Variants in COL24A1 observed in about 807,000 individuals in gnomAD.
COL24A1 encodes the protein collagen alpha-1(XXIV) chain.
COL24A1 carries 224 observed loss-of-function variants against 253.9 expected under a neutral mutation model. The ratio of observed to expected loss-of-function variants is 0.88; its 90% confidence interval spans 0.79 to 0.99. The LOEUF (loss-of-function observed/expected upper bound fraction) is 0.99, where lower values mean the gene tolerates loss of function less well. Ranked by LOEUF, COL24A1 falls within the 50% of genes least tolerant of loss-of-function variation. The probability of loss-of-function intolerance (pLI) is 0.00; values close to 1 mark genes in which losing one functional copy is unlikely to be tolerated. For missense variants in COL24A1, 2,131 were observed against 2,068.5 expected (o/e 1.03, Z -0.59); for synonymous variants, 685 against 673.7 (o/e 1.02, Z -0.26).
chr1:86,017,225 C>T (rs368294728), intron 18 of COL24A1, 21 bp from the exon 19 acceptor site: 4 of 1,547,196 alleles, frequency 2.6e-6, no homozygotes, highest in African/African-American at 1.4e-5. Context: ...GGGGGAGGAT[C>T]AAAGTATAAA....
chr1:85,946,308 G>A (rs560013985), intron 24 of COL24A1, among the ~76,000 whole-genome samples: 6 of 152,152 alleles, frequency 3.9e-5, no homozygotes, highest in South Asian at 4.2e-4. Flanking sequence ...CCGGGTTTCC[G>A]CGGGACTTCA....
At chr1:86,103,748 TCTG>T (rs1393561002) in intron 5 of COL24A1, among the ~76,000 whole-genome samples, 1 of 152,228 alleles carries the variant, frequency 6.6e-6, no homozygotes, top group East Asian at 1.9e-4. Flanking sequence ...TGCTGAAAGG[TCTG>T]CTGTTAGTCT....
intron 3 of COL24A1, among the ~76,000 whole-genome samples, chr1:86,123,730 T>C (rs1647779595): frequency 6.6e-6 from 1 of 151,980 alleles, no homozygotes. Context: ...GATAATTAAT[T>C]GTCATAGTTG....
intron 28 of COL24A1, among the ~76,000 whole-genome samples, chr1:85,906,744 AATG>A (rs1046849987): frequency 2.0e-5 from 3 of 151,936 alleles, no homozygotes; most frequent in Non-Finnish European, 4.4e-5. Context: ...ATTATTAGAC[AATG>A]ATGATTATAA....
intron 5 of COL24A1, among the ~76,000 whole-genome samples, chr1:86,109,643 T>C (rs970203416): frequency 1.3e-5 from 2 of 152,244 alleles, no homozygotes; most frequent in Non-Finnish European, 1.5e-5. Context: ...TACTTCTGAA[T>C]GCGATCACTG....
At chr1:85,943,160 G>T (rs967234238) in intron 24 of COL24A1, among the ~76,000 whole-genome samples, 1 of 152,176 alleles carries the variant, frequency 6.6e-6, no homozygotes, top group African/African-American at 2.4e-5. Context: ...GAATTCCAGG[G>T]CATGCCAGCT....
intron 6 of COL24A1, among the ~76,000 whole-genome samples, chr1:86,091,413 A>C (rs1703481291): frequency 6.6e-6 from 1 of 152,034 alleles, no homozygotes; most frequent in African/African-American, 2.4e-5. Context: ...AAACTTTATG[A>C]TAGTTTCTGT....
At chr1:86,123,424 A>G (rs574038621) in intron 3 of COL24A1, among the ~76,000 whole-genome samples, 6 of 152,062 alleles carry the variant, frequency 3.9e-5, no homozygotes, top group Non-Finnish European at 8.8e-5. Context: ...ACTACAAGAT[A>G]TATTAAATAG....
chr1:86,062,112 A>T (rs1701134372), intron 8 of COL24A1, among the ~76,000 whole-genome samples: 1 of 152,102 alleles, frequency 6.6e-6, no homozygotes, highest in East Asian at 1.9e-4. Context: ...GTTAATTAAC[A>T]TATGTAAAAC....
intron 26 of COL24A1, among the ~76,000 whole-genome samples, chr1:85,909,365 T>C (rs1301424610): frequency 6.6e-6 from 1 of 151,882 alleles, no homozygotes; most frequent in East Asian, 1.9e-4. Flanking sequence ...AATATCCTTT[T>C]ATTGATAATA....
chr1:85,924,840 A>G (rs1686996013), intron 24 of COL24A1, among the ~76,000 whole-genome samples: 2 of 152,180 alleles, frequency 1.3e-5, no homozygotes, highest in African/African-American at 2.4e-5. Context: ...GGCAAGAGAA[A>G]GAAATAAAGG....
intron 10 of COL24A1, among the ~76,000 whole-genome samples, chr1:86,053,140 T>G (rs1397238894): frequency 6.6e-6 from 1 of 152,118 alleles, no homozygotes; most frequent in Non-Finnish European, 1.5e-5. Flanking sequence ...TTTAGGATTA[T>G]GATGACAAGC....
At chr1:85,926,802 A>G (rs1687299534) in intron 24 of COL24A1, among the ~76,000 whole-genome samples, 1 of 151,990 alleles carries the variant, frequency 6.6e-6, no homozygotes, top group Non-Finnish European at 1.5e-5. Context: ...TGTACCCTAG[A>G]ACTTAAAGTA....
At chr1:85,914,639 C>T (rs750292585) in intron 24 of COL24A1, among the ~76,000 whole-genome samples, 2 of 152,116 alleles carry the variant, frequency 1.3e-5, no homozygotes, top group Non-Finnish European at 2.9e-5. Flanking sequence ...GATCTGCCCA[C>T]CTTGGCCTCC....
intron 24 of COL24A1, among the ~76,000 whole-genome samples, chr1:85,951,090 C>T (rs1256977370): frequency 3.3e-5 from 5 of 152,166 alleles, no homozygotes; most frequent in African/African-American, 4.8e-5. Context: ...ATTAAGCACA[C>T]TAATGTCCTC....
chr1:85,894,810 T>A (rs1284353935), intron 31 of COL24A1, among the ~76,000 whole-genome samples: 1 of 152,154 alleles, frequency 6.6e-6, no homozygotes, highest in African/African-American at 2.4e-5. Context: ...GTATTTTAGG[T>A]TGGATCACTG....
chr1:86,033,765 T>C, intron 13 of COL24A1, 105 bp downstream of exon 13: 1 of 1,056,182 alleles, frequency 9.5e-7, no homozygotes, highest in Non-Finnish European at 1.4e-6. Context: ...AGATTGTTTT[T>C]CCAATAGTGT....
chr1:86,086,821 G>A (rs1288756232), intron 7 of COL24A1, among the ~76,000 whole-genome samples: 4 of 152,156 alleles, frequency 2.6e-5, no homozygotes, highest in Admixed American at 6.5e-5. Flanking sequence ...GCGAAGTGGA[G>A]AATTAGTTTA....
At chr1:85,805,907 C>G (rs1460342762) in intron 47 of COL24A1, among the ~76,000 whole-genome samples, 1 of 151,952 alleles carries the variant, frequency 6.6e-6, no homozygotes, top group Non-Finnish European at 1.5e-5. Flanking sequence ...AACCCCGTCT[C>G]TATTAAAAAT....
Sources: allele counts gnomAD v4.1 joint callset (sites outside exome capture counted in the v4.1 genomes callset), GRCh38; gene constraint gnomAD v4.1.1; transcripts MANE v1.5; gene names NCBI Gene and HGNC (gene_info 2026-07-23, HGNC 2026-07-21).